The following SLCO4A1 variants were observed in gnomAD, a reference collection of about 807,000 sequenced individuals.
The protein encoded by SLCO4A1 is solute carrier organic anion transporter family member 4A1.
SLCO4A1 carries 51 observed loss-of-function variants against 64.6 expected under a neutral mutation model. The observed-to-expected ratio is 0.79, with a 90% CI of 0.63 to 1.00. SLCO4A1 has a LOEUF of 1.00. SLCO4A1 is among the 50% of genes least tolerant of loss of function. The pLI, the probability that SLCO4A1 is intolerant of heterozygous loss-of-function variation, is 0.00. For synonymous variants in SLCO4A1, 471 were observed against 444.9 expected (o/e 1.06, Z -0.74); for missense variants, 919 against 980.5 (o/e 0.94, Z 0.84).
At chr20:62,674,629 A>G (rs1987501482), downstream of SLCO4A1, among the ~76,000 whole-genome samples, 1 of 152,182 alleles carries the variant, frequency 6.6e-6, no homozygotes, top group Non-Finnish European at 1.5e-5. Context: ...GATGTCTCAC[A>G]GTGACAAATG....
At chr20:62,687,672 G>T (rs1042041526), downstream of SLCO4A1, among the ~76,000 whole-genome samples, 2 of 152,222 alleles carry the variant, frequency 1.3e-5, no homozygotes, top group Non-Finnish European at 2.9e-5. Flanking sequence ...GGCAGGGCTG[G>T]GCCTAAGCCA....
chr20:62,690,503 T>C (rs891286464), downstream of SLCO4A1, among the ~76,000 whole-genome samples: 6 of 152,198 alleles, frequency 3.9e-5, no homozygotes, highest in African/African-American at 1.4e-4. Context: ...GCCCTGGCTG[T>C]GCTATTACTC....
intron 2 of SLCO4A1, among the ~76,000 whole-genome samples, chr20:62,658,038 T>C (rs752875938): frequency 1.4e-4 from 21 of 152,194 alleles, no homozygotes; most frequent in Non-Finnish European, 8.8e-5. Flanking sequence ...GTTGACCCAG[T>C]GCACGGCCCG....
chr20:62,670,577 A>G lies in SLCO4A1; in HGVS notation c.2026-1173A>G, dbSNP rs187105774. ...ACTACCCTTAGACTCACGCGTCCAC[A>G]GGGGTCTCAGTGTCTGCGGATGAGG... On this transcript the variant is annotated intron_variant, in intron 11 of 11. Coordinates refer to ENST00000217159, the MANE Select transcript of SLCO4A1 (RefSeq NM_016354.4). Among the ~76,000 whole-genome samples, 6 of 152,326 alleles carry G rather than the reference A, an allele frequency of 3.9e-5. No individual in the cohort carries two copies. The East Asian group carries it at 1.2e-3, about 29-fold the overall frequency.
chr20:62,678,819 T>C (rs2147114396), intron 2 of SLCO4A1, among the ~76,000 whole-genome samples: 1 of 152,248 alleles, frequency 6.6e-6, no homozygotes, highest in East Asian at 1.9e-4. Flanking sequence ...AGGTTAGTAG[T>C]GTGTGGTTTC....
At chr20:62,669,386 CG>C (rs1310632168) in intron 11 of SLCO4A1, among the ~76,000 whole-genome samples, 1 of 152,222 alleles carries the variant, frequency 6.6e-6, no homozygotes, top group Non-Finnish European at 1.5e-5. Context: ...TGCACGTACC[CG>C]GGATGCCCGT....
chr20:62,643,251 G>A (rs531254375), intron 1 of SLCO4A1: 2 of 336,830 alleles, frequency 5.9e-6, no homozygotes, highest in Admixed American at 4.0e-5. Context: ...GCAGAGGGTC[G>A]GGTGCCCTCG....
At chr20:62,687,056 AG>A (rs1988084786), downstream of SLCO4A1, among the ~76,000 whole-genome samples, 1 of 147,158 alleles carries the variant, frequency 6.8e-6, no homozygotes, top group East Asian at 2.0e-4. Context: ...GCAATGGGAA[AG>A]GGCACCCCCA....
At chr20:62,656,019 G>A (rs938436985) in intron 1 of SLCO4A1, among the ~76,000 whole-genome samples, 3 of 152,210 alleles carry the variant, frequency 2.0e-5, no homozygotes, top group Non-Finnish European at 2.9e-5. Context: ...ACTCTCCACC[G>A]CGTGGCCCCA....
intron 1 of SLCO4A1, among the ~76,000 whole-genome samples, chr20:62,643,743 C>T (rs960655259): frequency 1.1e-4 from 16 of 152,240 alleles, no homozygotes; most frequent in African/African-American, 3.4e-4. Context: ...TTGGCCTTAG[C>T]CGGCTCCGCT....
chr20:62,649,017 A>T (rs1981938222), intron 1 of SLCO4A1: 1 of 152,210 alleles, frequency 6.6e-6, no homozygotes, highest in African/African-American at 2.4e-5. Flanking sequence ...AACCAACAGG[A>T]TAGGTGGAAA....
At chr20:62,667,408 A>C in intron 7 of SLCO4A1, 1 of 263,448 alleles carries the variant, frequency 3.8e-6, no homozygotes. Flanking sequence ...GCCTTTGTGT[A>C]CTTGGCGCTT....
At chr20:62,663,707 G>A (rs887038899) in intron 5 of SLCO4A1, among the ~76,000 whole-genome samples, 2 of 152,246 alleles carry the variant, frequency 1.3e-5, no homozygotes, top group South Asian at 2.1e-4. Flanking sequence ...GAAGGGTCAC[G>A]CACAGGAGCG....
chr20:62,672,816 G>A (rs996424038), downstream of SLCO4A1, among the ~76,000 whole-genome samples: 3 of 152,102 alleles, frequency 2.0e-5, no homozygotes, highest in African/African-American at 4.8e-5. Context: ...CTGCCATCCG[G>A]AGCTCCTTAT....
intron 1 of SLCO4A1, among the ~76,000 whole-genome samples, chr20:62,653,783 A>G (rs1000551357): frequency 2.6e-5 from 4 of 151,992 alleles, no homozygotes; most frequent in Non-Finnish European, 5.9e-5. Context: ...GGCTTAAAAA[A>G]TAGTTTATTC....
chr20:62,649,118 A>T (rs533674426), intron 1 of SLCO4A1: 5 of 152,450 alleles, frequency 3.3e-5, no homozygotes, highest in African/African-American at 1.2e-4. Flanking sequence ...AGGAGAGCTG[A>T]TGGTTTCGGT....
At chr20:62,687,733 G>A (rs1373574424), downstream of SLCO4A1, among the ~76,000 whole-genome samples, 3 of 152,190 alleles carry the variant, frequency 2.0e-5, no homozygotes, top group Non-Finnish European at 4.4e-5. Flanking sequence ...ACGGAAGGAC[G>A]ACACCGGCTT....
intron 1 of SLCO4A1, among the ~76,000 whole-genome samples, chr20:62,655,186 C>T (rs1983417024): frequency 6.6e-6 from 1 of 152,018 alleles, no homozygotes; most frequent in Non-Finnish European, 1.5e-5. Flanking sequence ...GCGAGAAAGA[C>T]CCTCCCAGGG....
chr20:62,643,388 C>T (rs1273108890), intron 1 of SLCO4A1: 1 of 168,926 alleles, frequency 5.9e-6, no homozygotes, highest in African/African-American at 2.4e-5. Context: ...AGGGAGAAAC[C>T]GCCTCCCGCA....
Sources: allele counts gnomAD v4.1 joint callset (sites outside exome capture counted in the v4.1 genomes callset), GRCh38; gene constraint gnomAD v4.1.1; transcripts MANE v1.5; gene names NCBI Gene and HGNC (gene_info 2026-07-23, HGNC 2026-07-21).